PADI3: variants seen among roughly 807,000 people sequenced by gnomAD.
PADI3 encodes protein-arginine deiminase type-3.
A neutral mutation model predicts 71.5 loss-of-function variants in PADI3; 53 were observed. The ratio of observed to expected loss-of-function variants is 0.74; its 90% CI spans 0.59 to 0.93. The LOEUF is 0.93. PADI3 is among the 40% of genes least tolerant of loss of function. The probability of loss-of-function intolerance (pLI) is 0.00; values close to 1 mark genes in which losing one functional copy is unlikely to be tolerated. For synonymous variants in PADI3, 361 were observed against 347.5 expected (o/e 1.04, Z -0.43); for missense variants, 821 against 868.0 (o/e 0.95, Z 0.68).
intron 1 of PADI3, among the ~76,000 whole-genome samples, chr1:17,255,265 G>C (rs2073013685): frequency 6.6e-6 from 1 of 152,352 alleles, no homozygotes; most frequent in African/African-American, 2.4e-5. Context: ...CCAGCAAACT[G>C]ATGCTGTTGG....
chr1:17,267,770 G>A lies in PADI3; in HGVS notation c.527-67G>A. On this transcript the variant is annotated intron_variant, in intron 5 of 15. Transcript: ENST00000375460. ...ACCCACTGACCTGGGGAGGGAGCTG[G>A]GCAGCAGAGGAAGGGGCCAGGGGCC... is the stretch of plus-strand genomic sequence containing the variant. 6 of 1,586,664 alleles carry A rather than the reference G, an allele frequency of 3.8e-6. No individual in the cohort carries two copies. The South Asian group carries it at 6.8e-5, about 18-fold the overall frequency.
intron 1 of PADI3, among the ~76,000 whole-genome samples, chr1:17,252,341 CAGCACAAACCTT>C (rs11274291): frequency 0.062 from 9,330 of 151,690 alleles, 331 homozygotes; most frequent in African/African-American, 0.09. Context: ...GCTCAGGCAT[CAGCACAAACCTT>C]AGCACAAAGT....
In PADI3 at chr1:17,258,976, C is replaced by G. The variant is rs1422006264; in HGVS notation, c.93-602C>G. Among the ~76,000 whole-genome samples, 5 of 152,374 alleles carry G rather than the reference C, an allele frequency of 3.3e-5. No individual in the cohort carries two copies. The East Asian group carries it at 9.6e-4, about 29-fold the overall frequency. ...TATCGAGCACATGGCTGGCTTCTGA[C>G]TTCCGAAGAGCTCGCCATTCTGGTG... On this transcript the variant is annotated intron_variant, in intron 1 of 15. Transcript: ENST00000375460.
At position 17,270,248 on chromosome 1, in the gene PADI3, G is replaced by C. The variant is rs994194315; in HGVS notation, c.668G>C (p.Cys223Ser). The change falls in exon 7 of 16, where the codon TGT becomes TCT. Residue 223 changes from cysteine (C) to serine (S), a missense_variant. Transcript: ENST00000375460. Reference sequence around the variant, plus strand: ...CCCCTTCCAGGTCCTGAGGATGTGTGTGAGGCCTATAGGCATGTGCTGGGC... The same window carrying C: ...CCCCTTCCAGGTCCTGAGGATGTGTCTGAGGCCTATAGGCATGTGCTGGGC... ...VFHICGPEDV[C>S]EAYRHVLGQD... 1.7e-5 allele frequency: 27 copies of C among 1,612,458 alleles called. No individual in the cohort carries two copies. In the East Asian group the frequency reaches 2.9e-4, roughly 17 times the overall value.
chr1:17,261,059 G>A (rs2073096956), intron 2 of PADI3, among the ~76,000 whole-genome samples: 1 of 152,156 alleles, frequency 6.6e-6, no homozygotes, highest in Admixed American at 6.5e-5. Flanking sequence ...GACACATGGA[G>A]GTCAGTAATT....
At chr1:17,263,144 C>T (rs2073124045) in intron 3 of PADI3, among the ~76,000 whole-genome samples, 2 of 152,186 alleles carry the variant, frequency 1.3e-5, no homozygotes, top group Admixed American at 6.5e-5. Flanking sequence ...GAACTCCTGA[C>T]CTCAGATGAT....
At chr1:17,273,663 TG>T (rs2073287177) in intron 10 of PADI3, among the ~76,000 whole-genome samples, 1 of 152,196 alleles carries the variant, frequency 6.6e-6, no homozygotes, top group African/African-American at 2.4e-5. Flanking sequence ...AAATATTGCA[TG>T]GGATATACTT....
chr1:17,277,192 CT>C (rs139511864), intron 13 of PADI3, among the ~76,000 whole-genome samples: 23,820 of 146,550 alleles, frequency 0.16, 2,013 homozygotes, highest in South Asian at 0.29. Flanking sequence ...TGAAATCTCC[CT>C]TTTTTTTTTT....
chr1:17,276,770 G>C lies in PADI3; in HGVS notation c.1453-4G>C. The C allele has an allele frequency of 6.2e-7, 1 of 1,613,622 alleles. No individual in the cohort carries two copies. Among genetic ancestry groups the C allele is most frequent in the East Asian group, 2.2e-5 (1 of 44,882 alleles). On this transcript the variant is annotated splice_region_variant and splice_polypyrimidine_tract_variant and intron_variant, in intron 12 of 15. Transcript: ENST00000375460. The stretch of plus-strand genomic sequence containing the variant: ...GCTCAGCTGAATCTGTTCTCTGCAC[G>C]CAGGGCTTCCGGATGCTCCTGGCCA...
intron 13 of PADI3, among the ~76,000 whole-genome samples, chr1:17,280,098 A>T (rs1174826766): frequency 6.6e-6 from 1 of 152,194 alleles, no homozygotes; most frequent in East Asian, 1.9e-4. Flanking sequence ...ACTTCCAGTG[A>T]ACTCAAATAA....
chr1:17,252,319 C>T (rs1443668145), intron 1 of PADI3, among the ~76,000 whole-genome samples: 5 of 151,992 alleles, frequency 3.3e-5, no homozygotes, highest in Non-Finnish European at 7.4e-5. Context: ...TTCCACACAG[C>T]TCTTTCTCAA....
chr1:17,274,959 A>C (rs1259374905), intron 11 of PADI3, among the ~76,000 whole-genome samples, 173 bp downstream of exon 11: 2 of 152,134 alleles, frequency 1.3e-5, no homozygotes, highest in Admixed American at 6.5e-5. Flanking sequence ...CACAGTCCAC[A>C]CTTACCTCGG....
At chr1:17,280,851 C>T (rs1251910495) in intron 15 of PADI3, 55 bp downstream of exon 15, 7 of 1,593,510 alleles carry the variant, frequency 4.4e-6, no homozygotes, top group Admixed American at 3.4e-5. Context: ...CCTCTAAGCT[C>T]GAGAGAGGAA....
At chr1:17,271,836 CAA>C (rs71571852) in intron 9 of PADI3, among the ~76,000 whole-genome samples, 5 of 79,450 alleles carry the variant, frequency 6.3e-5, no homozygotes, top group Non-Finnish European at 9.2e-5. Context: ...GCAACAACAA[CAA>C]AAAAAAAAAA....
At chr1:17,254,474 G>A (rs1000605503) in intron 1 of PADI3, among the ~76,000 whole-genome samples, 2 of 152,176 alleles carry the variant, frequency 1.3e-5, no homozygotes, top group African/African-American at 4.8e-5. Flanking sequence ...GGACAGAGCT[G>A]GCCATGAGTC....
chr1:17,279,052 A>G (rs3753375), intron 13 of PADI3, among the ~76,000 whole-genome samples: 43,406 of 152,014 alleles, frequency 0.29, 6,968 homozygotes, highest in African/African-American at 0.45. Flanking sequence ...GCAGGGAGAA[A>G]TGCCACCTTC....
rs1022392850 is a variant in PADI3 at position 17,280,866 on chromosome 1, G to A, written c.1761+70G>A. On this transcript the variant is annotated intron_variant, in intron 15 of 15. Transcript: ENST00000375460. ...CCTCTAAGCTCGAGAGAGGAAAAAT[G>A]TCTGGTCACAGTCATATTTAGGATT... 1.3e-4 allele frequency: 209 copies of A among 1,573,160 alleles called. 2 individuals carry two copies. In the South Asian group the frequency reaches 2.3e-3, roughly 17 times the overall value.
At chr1:17,263,739 AC>A (rs1245699612) in intron 3 of PADI3, among the ~76,000 whole-genome samples, 1 of 152,224 alleles carries the variant, frequency 6.6e-6, no homozygotes, top group African/African-American at 2.4e-5. Flanking sequence ...CATACGGCTG[AC>A]TTGGTGCATA....
intron 1 of PADI3, among the ~76,000 whole-genome samples, chr1:17,252,567 C>A (rs1050419883): frequency 6.6e-6 from 1 of 152,056 alleles, no homozygotes; most frequent in Non-Finnish European, 1.5e-5. Context: ...CCATCCCCGA[C>A]TAAGTTTTGC....
Sources: gnomAD v4.1 joint callset for allele counts (sites outside exome capture counted in the v4.1 genomes callset) on GRCh38, gnomAD v4.1.1 for gene constraint, MANE v1.5 for transcripts, NCBI Gene and HGNC (gene_info 2026-07-23, HGNC 2026-07-21) for gene names.